CACNA1E: variants seen among roughly 807,000 people sequenced by gnomAD.
CACNA1E encodes the protein calcium voltage-gated channel subunit alpha1 E, also known as voltage-dependent R-type calcium channel subunit alpha-1E.
Under a neutral mutation model 259.2 loss-of-function variants are expected in CACNA1E, and 40 were observed. The ratio of observed to expected loss-of-function variants is 0.15; its 90% confidence interval spans 0.12 to 0.20. The LOEUF (loss-of-function observed/expected upper bound fraction) is 0.20, where lower values mean the gene tolerates loss of function less well. CACNA1E is among the 10% of genes least tolerant of loss of function. CACNA1E has a pLI of 1.00. For synonymous variants in CACNA1E, 1,104 were observed against 1,138.5 expected (o/e 0.97, Z 0.61); for missense variants, 1,874 against 3,040.1 (o/e 0.62, Z 9.02).
chr1:181,654,229 A>AT (rs1436748159), intron 7 of CACNA1E, among the ~76,000 whole-genome samples: 1 of 150,184 alleles, frequency 6.7e-6, no homozygotes, highest in African/African-American at 2.4e-5. Context: ...ACAAAGTAAT[A>AT]TATATATACT....
At chr1:181,347,222 C>T (rs1032858658) in intron 1 of CACNA1E, among the ~76,000 whole-genome samples, 4 of 152,122 alleles carry the variant, frequency 2.6e-5, no homozygotes, top group South Asian at 2.1e-4. Flanking sequence ...GTCCCACAGA[C>T]GGTTTGTTTC....
At chr1:181,697,275 A>G (rs1475117632) in intron 7 of CACNA1E, among the ~76,000 whole-genome samples, 1 of 152,242 alleles carries the variant, frequency 6.6e-6, no homozygotes, top group Non-Finnish European at 1.5e-5. Flanking sequence ...CCTGGCTTCT[A>G]TTTGCCTCTC....
Position 181,764,136 on chromosome 1 carries a change from C to T in CACNA1E, c.4815+605C>T, listed in dbSNP as rs1388254191. 3.3e-5 allele frequency among the ~76,000 whole-genome samples: 5 copies of T among 152,074 alleles called. No homozygotes were observed. The South Asian group carries it at 8.3e-4, about 25-fold the overall frequency. On this transcript the variant is annotated intron_variant, in intron 34 of 47. Coordinates refer to ENST00000367573, the MANE Select transcript of CACNA1E (RefSeq NM_001205293.3). ...ATGATGTGTTTCCTCTGCACAGTCT[C>T]GTGGAGCTGTACAGAGGTGTACATA...
In CACNA1E at chr1:181,552,211, A is replaced by G. The variant is rs548115013; in HGVS notation, c.513-25555A>G. Among the ~76,000 whole-genome samples the G allele has an allele frequency of 9.8e-5, 15 of 152,298 alleles. No individual in the cohort carries two copies. In the South Asian group the frequency reaches 3.1e-3, roughly 32 times the overall value. On this transcript the variant is annotated intron_variant, in intron 3 of 47. Transcript: ENST00000367573. ...CCATGTTTGTGAACAGTCTGAGATG[A>G]TTTTGTAGCCCCCTCCTCACACCCT... is the stretch of plus-strand genomic sequence containing the variant.
chr1:181,655,961 G>C (rs941413525), intron 7 of CACNA1E, among the ~76,000 whole-genome samples: 1 of 152,070 alleles, frequency 6.6e-6, no homozygotes, highest in African/African-American at 2.4e-5. Context: ...AATTCCTGTG[G>C]CTTAGTGATG....
intron 2 of CACNA1E, 50 bp from the exon 3 acceptor site, chr1:181,511,321 A>G (rs769046974): frequency 2.5e-6 from 4 of 1,607,094 alleles, no homozygotes; most frequent in East Asian, 4.5e-5. Flanking sequence ...CCTGTGTCTC[A>G]TAAAGCACAG....
chr1:181,568,196 C>A (rs79723963), intron 3 of CACNA1E, among the ~76,000 whole-genome samples: 5,536 of 152,194 alleles, frequency 0.036, 327 homozygotes, highest in African/African-American at 0.12. Context: ...TTTGCTTATA[C>A]GAATCTACAT....
At chr1:181,439,312 G>A (rs683845) in intron 2 of CACNA1E, among the ~76,000 whole-genome samples, 9,322 of 148,444 alleles carry the variant, frequency 0.063, 466 homozygotes, top group African/African-American at 0.14. Context: ...ATTTTAGAAG[G>A]TTAGAGTTTC....
intron 6 of CACNA1E, among the ~76,000 whole-genome samples, chr1:181,591,939 T>C (rs2103026562): frequency 6.6e-6 from 1 of 152,368 alleles, no homozygotes; most frequent in Admixed American, 6.5e-5. Flanking sequence ...TCTTCTTCCA[T>C]TGGCCCACTG....
chr1:181,763,564 T>G (rs750311038), intron 34 of CACNA1E, 33 bp downstream of exon 34: 271 of 1,516,378 alleles, frequency 1.8e-4, no homozygotes, highest in Middle Eastern at 5.4e-4. Flanking sequence ...CTCTGAGGGT[T>G]GTCATATCAG....
At chr1:181,543,583 T>C (rs1036935994) in intron 3 of CACNA1E, among the ~76,000 whole-genome samples, 5 of 152,216 alleles carry the variant, frequency 3.3e-5, no homozygotes, top group Non-Finnish European at 7.3e-5. Context: ...AGTAAGAAGA[T>C]GGTTCTCTGC....
intron 2 of CACNA1E, 100 bp from the exon 3 acceptor site, chr1:181,511,271 C>A: frequency 7.1e-7 from 1 of 1,399,202 alleles, no homozygotes; most frequent in Non-Finnish European, 1.0e-6. Flanking sequence ...CATGGGCAGG[C>A]CCAGCACAGA....
chr1:181,351,543 C>T (rs989138397), intron 1 of CACNA1E, among the ~76,000 whole-genome samples: 4 of 152,158 alleles, frequency 2.6e-5, no homozygotes, highest in Admixed American at 6.5e-5. Flanking sequence ...GTTCTCTCAC[C>T]GTTCTGGTGG....
At chr1:181,381,169 A>C (rs1469409398) in intron 1 of CACNA1E, among the ~76,000 whole-genome samples, 1 of 125,410 alleles carries the variant, frequency 8.0e-6, no homozygotes, top group East Asian at 2.0e-4. Flanking sequence ...CTCCATCTCA[A>C]AAAAAAAAAA....
chr1:181,482,693 G>A (rs1450086229), upstream of CACNA1E, among the ~76,000 whole-genome samples: 1 of 152,256 alleles, frequency 6.6e-6, no homozygotes, highest in Non-Finnish European at 1.5e-5. Flanking sequence ...GCTCCGCCGA[G>A]GGCGCTGCCT....
chr1:181,592,647 C>T (rs3856094), intron 6 of CACNA1E, among the ~76,000 whole-genome samples: 44,297 of 152,068 alleles, frequency 0.29, 6,582 homozygotes, highest in Middle Eastern at 0.38. Context: ...TAAAGAGACC[C>T]ATACCTAGGC....
At chr1:181,722,832 A>G (rs1461759151) in intron 16 of CACNA1E, among the ~76,000 whole-genome samples, 3 of 152,164 alleles carry the variant, frequency 2.0e-5, no homozygotes, top group Non-Finnish European at 2.9e-5. Flanking sequence ...TTCTACCCTG[A>G]AAACATCTAG....
At chr1:181,687,995 A>G (rs934860328) in intron 7 of CACNA1E, among the ~76,000 whole-genome samples, 2 of 152,152 alleles carry the variant, frequency 1.3e-5, no homozygotes, top group Non-Finnish European at 2.9e-5. Flanking sequence ...TGGTTCATTG[A>G]CTTCCAAACA....
At chr1:181,617,075 T>TA (rs1176432688) in intron 6 of CACNA1E, among the ~76,000 whole-genome samples, 1 of 152,208 alleles carries the variant, frequency 6.6e-6, no homozygotes, top group Non-Finnish European at 1.5e-5. Flanking sequence ...TATTTATATC[T>TA]ATTAGTCTTG....
Sources: gnomAD v4.1 joint callset for allele counts (sites outside exome capture counted in the v4.1 genomes callset) on GRCh38, gnomAD v4.1.1 for gene constraint, MANE v1.5 for transcripts, NCBI Gene and HGNC (gene_info 2026-07-23, HGNC 2026-07-21) for gene names.